KCNAB1: variants seen among roughly 807,000 people sequenced by gnomAD.
KCNAB1 encodes the protein voltage-gated potassium channel subunit beta-1.
A neutral mutation model predicts 64.6 loss-of-function variants in KCNAB1; 35 were observed. The observed-to-expected ratio is 0.54, with a 90% CI of 0.41 to 0.72. KCNAB1 has a LOEUF of 0.72. KCNAB1 is among the 30% of genes least tolerant of loss of function. The probability of loss-of-function intolerance (pLI) is 0.00; values close to 1 mark genes in which losing one functional copy is unlikely to be tolerated. For missense variants in KCNAB1, 401 were observed against 512.9 expected, an observed-to-expected ratio of 0.78 and a Z score of 2.11; for synonymous variants, 177 against 183.8, an observed-to-expected ratio of 0.96 and a Z score of 0.30.
chr3:156,233,675 G>C (rs1268551154), intron 1 of KCNAB1, among the ~76,000 whole-genome samples: 1 of 152,154 alleles, frequency 6.6e-6, no homozygotes, highest in Non-Finnish European at 1.5e-5. Context: ...CTGCCATTCA[G>C]ATGGAGAATG....
At chr3:156,414,638 C>A (rs73164745) in intron 1 of KCNAB1, among the ~76,000 whole-genome samples, 34,542 of 152,032 alleles carry the variant, frequency 0.23, 4,393 homozygotes, top group African/African-American at 0.35. Flanking sequence ...GGTGGTGAAA[C>A]ATAAAGATGT....
rs114690408 is a variant in KCNAB1 at position 156,422,908 on chromosome 3, G to A, written c.319+1249G>A. On this transcript the variant is annotated intron_variant, in intron 2 of 13. Coordinates refer to ENST00000490337, the MANE Select transcript of KCNAB1 (RefSeq NM_172160.3). The stretch of plus-strand genomic sequence containing the variant: ...CAGGAGAAAAATCAGAAAAAAAAAT[G>A]GAGTCCTGGAATCCAGGTGAGCATT... 4.9e-3 allele frequency among the ~76,000 whole-genome samples: 750 copies of A among 152,288 alleles called. 3 individuals are homozygous for A. The highest frequency in any genetic ancestry group is 8.1e-3 in the Non-Finnish European group (554 of 68,028).
rs1451007964 is a variant in KCNAB1 at position 156,281,448 on chromosome 3, T to C, written c.276-140168T>C. The stretch of plus-strand genomic sequence containing the variant: ...TCTCTTTTTTTGTTGTGTCTCTGCC[T>C]GGCTTTGGTATCAGAATGATGCTGG... On this transcript the variant is annotated intron_variant, in intron 1 of 13. Coordinates refer to ENST00000490337, the MANE Select transcript of KCNAB1 (RefSeq NM_172160.3). Among the ~76,000 whole-genome samples, 33 of 150,210 alleles carry C rather than the reference T, an allele frequency of 2.2e-4. No individual in the cohort carries two copies. The South Asian group carries it at 5.0e-3, about 23-fold the overall frequency.
chr3:156,264,738 C>T (rs1718605356), intron 1 of KCNAB1, among the ~76,000 whole-genome samples: 2 of 152,096 alleles, frequency 1.3e-5, no homozygotes, highest in South Asian at 2.1e-4. Flanking sequence ...ATGATAACAA[C>T]ACAGTATTAA....
chr3:156,218,852 AT>A (rs1243505491), intron 1 of KCNAB1, among the ~76,000 whole-genome samples: 6 of 149,890 alleles, frequency 4.0e-5, no homozygotes, highest in African/African-American at 1.2e-4. Context: ...TATAAAAAAA[AT>A]AAAATAAAAA....
chr3:156,506,883 G>A (rs1358598331), intron 8 of KCNAB1, among the ~76,000 whole-genome samples: 14 of 150,488 alleles, frequency 9.3e-5, no homozygotes, highest in Admixed American at 3.3e-4. Flanking sequence ...GTTTTTCTTC[G>A]AAAAAAAACA....
chr3:156,474,579 G>A (rs149027040), intron 7 of KCNAB1, 155 bp from the exon 8 acceptor site: 316 of 531,790 alleles, frequency 5.9e-4, no homozygotes, highest in Non-Finnish European at 9.9e-4. Context: ...TTTTTAAAAC[G>A]TTCTAGAGTC....
chr3:156,143,304 C>A (rs780861646), intron 1 of KCNAB1: 1 of 1,613,594 alleles, frequency 6.2e-7, no homozygotes, highest in Non-Finnish European at 8.5e-7. Context: ...CTCAGGCGGC[C>A]TGCAAACCTG....
At chr3:156,157,739 C>T (rs961395142) in intron 1 of KCNAB1, among the ~76,000 whole-genome samples, 5 of 152,176 alleles carry the variant, frequency 3.3e-5, no homozygotes, top group East Asian at 1.9e-4. Flanking sequence ...TTATGCTTAA[C>T]AACCAAAATG....
chr3:156,538,945 A>G (rs901074571), downstream of KCNAB1: 1 of 152,214 alleles, frequency 6.6e-6, no homozygotes, highest in Non-Finnish European at 1.5e-5. Context: ...CCAAATATAA[A>G]TATTATGGCT....
intron 1 of KCNAB1, among the ~76,000 whole-genome samples, chr3:156,305,480 C>T (rs1334431303): frequency 6.6e-6 from 1 of 152,172 alleles, no homozygotes; most frequent in African/African-American, 2.4e-5. Flanking sequence ...CCAGTGCAGG[C>T]TTAATTCTCT....
Position 156,459,865 on chromosome 3 carries a change from G to A in KCNAB1, c.476G>A (p.Gly159Asp), listed in dbSNP as rs1440221822. ...CTGGGGAGCATCATCAAGAAGAAAGGCTGGAGGTATTGCATTCGCCATAAT... is the reference window on the plus strand; with the variant it reads ...CTGGGGAGCATCATCAAGAAGAAAGACTGGAGGTATTGCATTCGCCATAAT... Reference protein sequence around the residue: ...VILGSIIKKKGWRRSSLVITT... With the variant: ...VILGSIIKKKDWRRSSLVITT... Residue 159 changes from glycine (G) to aspartate (D), a missense_variant, in exon 5 of 14, where the codon GGC becomes GAC. Physicochemically the swap from Gly to Asp is moderately conservative, Grantham distance 94 (BLOSUM62 -1). Coordinates refer to ENST00000490337, the MANE Select transcript of KCNAB1 (RefSeq NM_172160.3). 1.2e-6 allele frequency: 2 copies of A among 1,607,914 alleles called. No homozygotes were observed.
At chr3:156,424,054 G>C (rs940515994) in intron 2 of KCNAB1, among the ~76,000 whole-genome samples, 2 of 152,136 alleles carry the variant, frequency 1.3e-5, no homozygotes, top group African/African-American at 2.4e-5. Flanking sequence ...GAGAATGGTG[G>C]AGATTGTATC....
At chr3:156,258,097 A>G (rs997219763) in intron 1 of KCNAB1, among the ~76,000 whole-genome samples, 2 of 152,196 alleles carry the variant, frequency 1.3e-5, no homozygotes, top group African/African-American at 4.8e-5. Context: ...CTTTTCTAAT[A>G]AAATTCCCAG....
chr3:156,346,426 A>G (rs1363061918), intron 1 of KCNAB1, among the ~76,000 whole-genome samples: 1 of 152,212 alleles, frequency 6.6e-6, no homozygotes, highest in African/African-American at 2.4e-5. Flanking sequence ...GAAAGTCCAC[A>G]AAGAAATAAA....
At chr3:156,408,431 C>G (rs1383598174) in intron 1 of KCNAB1, among the ~76,000 whole-genome samples, 1 of 152,166 alleles carries the variant, frequency 6.6e-6, no homozygotes, top group Non-Finnish European at 1.5e-5. Flanking sequence ...AAAATGGGAA[C>G]AAGAGTGCCT....
At chr3:156,200,477 C>T (rs184367634) in intron 1 of KCNAB1, among the ~76,000 whole-genome samples, 1 of 152,174 alleles carries the variant, frequency 6.6e-6, no homozygotes, top group African/African-American at 2.4e-5. Context: ...ATCTCTAAGC[C>T]CCTGACTGGG....
chr3:156,342,699 GC>G (rs1479939462), intron 1 of KCNAB1, among the ~76,000 whole-genome samples: 3 of 148,434 alleles, frequency 2.0e-5, no homozygotes, highest in Non-Finnish European at 4.4e-5. Context: ...CCATGCTGGT[GC>G]GCTGCGCCCA....
intron 1 of KCNAB1, among the ~76,000 whole-genome samples, chr3:156,410,792 G>C (rs773122303): frequency 2.0e-5 from 3 of 152,136 alleles, no homozygotes; most frequent in Non-Finnish European, 2.9e-5. Context: ...TTTTATTGCC[G>C]AGTAGTATTC....
Sources: gnomAD v4.1 joint callset for allele counts (sites outside exome capture counted in the v4.1 genomes callset) on GRCh38, gnomAD v4.1.1 for gene constraint, MANE v1.5 for transcripts, NCBI Gene and HGNC (gene_info 2026-07-23, HGNC 2026-07-21) for gene names.